The following XKR6 variants were observed in gnomAD, a reference collection of about 807,000 sequenced individuals.
The protein encoded by XKR6 is XK-related protein 6.
A neutral mutation model predicts 56.7 loss-of-function variants in XKR6; 22 were observed. The observed-to-expected ratio is 0.39, with a 90% CI of 0.28 to 0.55. XKR6 has a LOEUF of 0.55. Ranked by LOEUF, XKR6 falls within the 20% of genes least tolerant of loss-of-function variation. XKR6 has a pLI of 0.66. For missense variants in XKR6, 852 were observed against 889.0 expected (o/e 0.96, Z 0.53); for synonymous variants, 524 against 387.8 (o/e 1.35, Z -4.13).
intron 1 of XKR6, among the ~76,000 whole-genome samples, chr8:11,121,109 C>T (rs571172902): frequency 3.9e-5 from 6 of 152,130 alleles, no homozygotes; most frequent in South Asian, 2.1e-4. Flanking sequence ...GGCAATACCA[C>T]TCAGGACATA....
chr8:10,959,920 G>C (rs181049075), intron 1 of XKR6, among the ~76,000 whole-genome samples: 1 of 152,094 alleles, frequency 6.6e-6, no homozygotes, highest in Admixed American at 6.5e-5. Context: ...CTGGAACTAC[G>C]GTGAGGCAAT....
chr8:11,082,767 C>A (rs575165311), intron 1 of XKR6, among the ~76,000 whole-genome samples: 1 of 152,176 alleles, frequency 6.6e-6, no homozygotes, highest in Non-Finnish European at 1.5e-5. Context: ...CTGGGCTGGG[C>A]CTTTGGGCCG....
At position 10,953,561 on chromosome 8, in the gene XKR6, C is replaced by T. The variant is rs139505151; in HGVS notation, c.765-28731G>A. Among the ~76,000 whole-genome samples, 16 of 152,264 alleles carry T rather than the reference C, an allele frequency of 1.1e-4. 1 individual carries two copies. The South Asian group carries it at 2.5e-3, about 24-fold the overall frequency. On this transcript the variant is annotated intron_variant, in intron 1 of 2. Transcript: ENST00000416569. Reference sequence around the variant, plus strand: ...CAATGCAAGAATGACCTAACACAGACGGGGTCTTGCCATGTTGCCCAGCCC... The same window carrying T: ...CAATGCAAGAATGACCTAACACAGATGGGGTCTTGCCATGTTGCCCAGCCC...
At chr8:11,103,782 C>T (rs1427824163) in intron 1 of XKR6, among the ~76,000 whole-genome samples, 1 of 152,188 alleles carries the variant, frequency 6.6e-6, no homozygotes, top group Non-Finnish European at 1.5e-5. Flanking sequence ...CAAATCGACA[C>T]AATTTTTGAT....
intron 1 of XKR6, among the ~76,000 whole-genome samples, chr8:11,125,311 G>A (rs966378371): frequency 6.6e-6 from 1 of 152,000 alleles, no homozygotes. Flanking sequence ...CTTACGTACA[G>A]AGACCCTAGA....
chr8:11,137,579 G>A (rs1800469534), intron 1 of XKR6: 2 of 456,238 alleles, frequency 4.4e-6, no homozygotes, highest in South Asian at 3.1e-5. Flanking sequence ...ACAGCAGGGA[G>A]AAGTTCTCTT....
chr8:11,038,043 G>T (rs969044660), intron 1 of XKR6, among the ~76,000 whole-genome samples: 2 of 138,948 alleles, frequency 1.4e-5, no homozygotes, highest in South Asian at 4.7e-4. Context: ...AAAAAAAAAA[G>T]ATTGAATGCT....
At chr8:10,935,455 T>C (rs1192826518) in intron 1 of XKR6, among the ~76,000 whole-genome samples, 1 of 105,704 alleles carries the variant, frequency 9.5e-6, no homozygotes, top group Admixed American at 8.3e-5. Context: ...TTGAATGTGT[T>C]TGCTCTTGCT....
intron 1 of XKR6, among the ~76,000 whole-genome samples, chr8:10,970,046 T>G (rs1323806382): frequency 2.6e-5 from 4 of 152,196 alleles, no homozygotes; most frequent in Non-Finnish European, 5.9e-5. Flanking sequence ...TCGCCACAGA[T>G]GGGTGGCACT....
At chr8:11,003,453 C>G (rs115674042) in intron 1 of XKR6, among the ~76,000 whole-genome samples, 1 of 152,084 alleles carries the variant, frequency 6.6e-6, no homozygotes, top group Non-Finnish European at 1.5e-5. Flanking sequence ...CAATCATAGT[C>G]ACTATCATCA....
intron 1 of XKR6, among the ~76,000 whole-genome samples, chr8:11,185,829 C>T (rs1803245168): frequency 1.3e-5 from 2 of 152,252 alleles, no homozygotes; most frequent in South Asian, 4.2e-4. Context: ...TTTAAAACTC[C>T]AGTTGTATAA....
chr8:10,926,078 T>A lies in XKR6; in HGVS notation c.765-1248A>T, dbSNP rs867377654. On this transcript the variant is annotated intron_variant, in intron 1 of 2. Coordinates refer to ENST00000416569, the MANE Select transcript of XKR6 (RefSeq NM_173683.4). ...GGATGGACATTCTAGGACCCACTACTGTGCCCTTTGAAATGCTGAGCCTGA... is the reference window on the plus strand; with the variant it reads ...GGATGGACATTCTAGGACCCACTACAGTGCCCTTTGAAATGCTGAGCCTGA... 3.1e-4 allele frequency among the ~76,000 whole-genome samples: 47 copies of A among 152,316 alleles called. 1 individual carries two copies. The highest frequency in any genetic ancestry group is 9.9e-4 in the African/African-American group (41 of 41,574).
chr8:11,011,880 G>C lies in XKR6; in HGVS notation c.765-87050C>G, dbSNP rs530848153. 2.6e-5 allele frequency among the ~76,000 whole-genome samples: 4 copies of C among 152,336 alleles called. No homozygotes were observed. In the South Asian group the frequency reaches 8.3e-4, roughly 32 times the overall value. The stretch of plus-strand genomic sequence containing the variant: ...GGCACTGGGGAGGGGGATAGCATGA[G>C]GGAGGGAGGCCAGTGCAGTGTGGCA... On this transcript the variant is annotated intron_variant, in intron 1 of 2. Transcript: ENST00000416569.
intron 1 of XKR6, chr8:11,108,196 T>C (rs983626722): frequency 1.3e-5 from 6 of 444,474 alleles, no homozygotes; most frequent in Admixed American, 1.2e-4. Flanking sequence ...ACTACACTTA[T>C]AAACAAATTA....
At chr8:10,956,052 C>T (rs187177401) in intron 1 of XKR6, among the ~76,000 whole-genome samples, 4 of 152,284 alleles carry the variant, frequency 2.6e-5, no homozygotes, top group East Asian at 1.9e-4. Flanking sequence ...GAAGGCTGAG[C>T]CCTGAGAGGG....
At chr8:11,088,968 G>C (rs1220449401) in intron 1 of XKR6, among the ~76,000 whole-genome samples, 2 of 152,218 alleles carry the variant, frequency 1.3e-5, no homozygotes, top group Non-Finnish European at 2.9e-5. Context: ...ATAAATGCAT[G>C]ATGGATGGAT....
chr8:11,047,204 G>T (rs971947051), intron 1 of XKR6, among the ~76,000 whole-genome samples: 1 of 152,172 alleles, frequency 6.6e-6, no homozygotes, highest in African/African-American at 2.4e-5. Flanking sequence ...TAGCTTACTT[G>T]CGGGAATCAT....
At chr8:11,072,187 C>T (rs1448032090) in intron 1 of XKR6, among the ~76,000 whole-genome samples, 1 of 152,192 alleles carries the variant, frequency 6.6e-6, no homozygotes, top group East Asian at 1.9e-4. Context: ...TCCACCCCCT[C>T]TCTGTTTTGA....
intron 1 of XKR6, among the ~76,000 whole-genome samples, chr8:10,994,002 T>C (rs1226830381): frequency 6.6e-6 from 1 of 152,188 alleles, no homozygotes; most frequent in African/African-American, 2.4e-5. Context: ...CTATATCCTG[T>C]TTGGTGTTTC....
Sources: allele counts gnomAD v4.1 joint callset (sites outside exome capture counted in the v4.1 genomes callset), GRCh38; gene constraint gnomAD v4.1.1; transcripts MANE v1.5; gene names NCBI Gene and HGNC (gene_info 2026-07-23, HGNC 2026-07-21).